Variants in CASKIN2 observed in about 807,000 individuals in gnomAD.
CASKIN2 encodes caskin-2.
In CASKIN2, 41 loss-of-function variants were observed where a neutral mutation model predicts 107.1. That is an observed-to-expected ratio of 0.38 (90% CI 0.30 to 0.50). CASKIN2 has a LOEUF of 0.50. Ranked by LOEUF, CASKIN2 falls within the 20% of genes least tolerant of loss-of-function variation. The probability of loss-of-function intolerance (pLI) is 0.92; values close to 1 mark genes in which losing one functional copy is unlikely to be tolerated. For synonymous variants in CASKIN2, 724 were observed against 705.6 expected (o/e 1.03, Z -0.41); for missense variants, 1,546 against 1,657.4 (o/e 0.93, Z 1.17).
Position 75,506,618 on chromosome 17 carries a change from G to A in CASKIN2, c.582C>T (p.His194=), listed in dbSNP as rs370451558. 4 of 1,613,340 alleles carry A rather than the reference G, an allele frequency of 2.5e-6. No individual in the cohort carries two copies. The highest frequency in any genetic ancestry group is 1.3e-5 in the African/African-American group (1 of 74,912). Reference sequence around the variant, plus strand: ...CTCTGTGGCCATTCTTGGCAGCCAAGTGCAGGGGCGTGGTGTAGTTGGGGT... The same window carrying A: ...CTCTGTGGCCATTCTTGGCAGCCAAATGCAGGGGCGTGGTGTAGTTGGGGT... The part of the protein sequence containing the change: ...PCDPNYTTPL[H]LAAKNGHREV... The change falls in exon 7 of 20, where the codon CAC becomes CAT. Residue 194 remains histidine (H), a synonymous_variant. Coordinates refer to ENST00000321617, the MANE Select transcript of CASKIN2 (RefSeq NM_020753.5). This position sits in a 1 kb window ranked among gnomAD's most constrained non-coding sequence, Gnocchi z 4.8.
chr17:75,501,021 TCTG>T lies in CASKIN2; in HGVS notation c.*56_*58del. The T allele has an allele frequency of 6.7e-7, 1 of 1,503,416 alleles. No individual in the cohort carries two copies. Among genetic ancestry groups the T allele is most frequent in the Admixed American group, 2.0e-5 (1 of 50,944 alleles). The allele number at this position is 1,503,416 out of a possible 1,614,324, so 93.1% of individuals were successfully genotyped here. A position where few individuals can be genotyped will look rare whatever the true frequency, so the allele number is the denominator to read the frequency against. On this transcript the variant is annotated 3_prime_UTR_variant, in exon 20 of 20. Transcript: ENST00000321617. ...CGTCCCTAGGGTGGCAGGGGCCTCT[TCTG>T]TGCTGGGGCAAAGGCAGTGGACTTC...
chr17:75,505,984 G>A lies in CASKIN2; in HGVS notation c.727-55C>T, dbSNP rs1463327016. ...CTAAGCACTTTGACACCCCTCACCCGATTCTCTCAGCTACCCGGGACATAG... is the reference window on the plus strand; with the variant it reads ...CTAAGCACTTTGACACCCCTCACCCAATTCTCTCAGCTACCCGGGACATAG... On this transcript the variant is annotated intron_variant, in intron 8 of 19. Transcript: ENST00000321617. The surrounding 1 kb of genome is among the most constrained non-coding windows in gnomAD (Gnocchi z 5.1). 125 of 1,464,440 alleles carry A rather than the reference G, an allele frequency of 8.5e-5. 2 individuals carry two copies. Among genetic ancestry groups the A allele is most frequent in the South Asian group, 7.8e-4 (67 of 86,194 alleles). The allele number at this position is 1,464,440 out of a possible 1,614,324, so 90.7% of individuals were successfully genotyped here.
chr17:75,502,452 C>T lies in CASKIN2; in HGVS notation c.2622G>A (p.Lys874=), dbSNP rs565424439. 2 of 1,299,092 alleles carry T rather than the reference C, an allele frequency of 1.5e-6. No individual in the cohort carries two copies. Among genetic ancestry groups the T allele is most frequent in the Non-Finnish European group, 2.0e-6 (2 of 1,015,318 alleles). 80.5% of individuals were successfully genotyped at this position (1,299,092 alleles called of 1,614,324 possible). A position where few individuals can be genotyped will look rare whatever the true frequency, so the allele number is the denominator to read the frequency against. ...RRKGPPPPPP[K]RLSSVSGPSP... ...TGGGGCCAGAGACGGAGCTGAGGCG[C>T]TTGGGGGGCGGGGGCGGGGGGCCTT... Residue 874 remains lysine (K), a synonymous_variant, in exon 18 of 20, where the codon AAG becomes AAA. Coordinates refer to ENST00000321617, the MANE Select transcript of CASKIN2 (RefSeq NM_020753.5). The surrounding 1 kb of genome is among the most constrained non-coding windows in gnomAD (Gnocchi z 4.3).
Position 75,504,229 on chromosome 17 carries a change from GC to G in CASKIN2, c.1452del (p.Gln484HisfsTer15). On this transcript the variant is annotated frameshift_variant, in exon 14 of 20. Coordinates refer to ENST00000321617, the MANE Select transcript of CASKIN2 (RefSeq NM_020753.5). LOFTEE classifies it high-confidence loss of function. The part of the protein sequence containing the change: ...QIFTQDVRPE[Q>X]LLEGKDAQAI... The stretch of plus-strand genomic sequence containing the variant: ...GGAGGTCACACCTTCCCCTCCAGCA[GC>G]TGTTCTGGCCGCACGTCCTGGGTGA... The G allele has an allele frequency of 6.8e-7, 1 of 1,467,290 alleles. No homozygotes were observed. The allele number at this position is 1,467,290 out of a possible 1,614,324, so 90.9% of individuals were successfully genotyped here.
chr17:75,507,978 G>A (rs1244697317), intron 3 of CASKIN2: 1 of 587,560 alleles, frequency 1.7e-6, no homozygotes, highest in East Asian at 2.8e-5. Flanking sequence ...GGGCCCCAAA[G>A]GAATCTGACC....
chr17:75,501,715 G>A, intron 18 of CASKIN2, 25 bp from the exon 19 acceptor site: 2 of 1,538,184 alleles, frequency 1.3e-6, no homozygotes, highest in African/African-American at 1.4e-5. Flanking sequence ...AGGTTGGCTT[G>A]GGACTTGGCT....
chr17:75,509,489 G>T lies in CASKIN2; in HGVS notation c.95-1204C>A, dbSNP rs537377907. ...GGAGGGAGGGGACAGCTACATTGAG[G>T]GCCAAACTGAAGGACACTGTGCCAC... On this transcript the variant is annotated intron_variant, in intron 2 of 19. Coordinates refer to ENST00000321617, the MANE Select transcript of CASKIN2 (RefSeq NM_020753.5). 4.9e-4 allele frequency: 410 copies of T among 837,442 alleles called. 1 individual carries two copies. In the African/African-American group the frequency reaches 7.1e-3, roughly 14 times the overall value. The allele number at this position is 837,442 out of a possible 1,614,324, so 51.9% of individuals were successfully genotyped here. A position where few individuals can be genotyped will look rare whatever the true frequency, so the allele number is the denominator to read the frequency against.
rs750768586 is a variant in CASKIN2, at chr17:75,502,798, G to A, written c.2276C>T (p.Pro759Leu). The A allele has an allele frequency of 1.9e-6, 3 of 1,584,990 alleles. No homozygotes were observed. The highest frequency in any genetic ancestry group is 2.6e-6 in the Non-Finnish European group (3 of 1,165,588). ...QGPPPYVFMY[P>L]QGSPSSPAPG... ...GGCCGGGCTAGAGGGTGAGCCCTGG[G>A]GGTACATAAAAACATAGGGTGGGGG... Residue 759 changes from proline (P) to leucine (L), a missense_variant, in exon 18 of 20, where the codon CCC (proline) becomes CTC (leucine). Physicochemically the swap from Pro to Leu is moderately conservative, Grantham distance 98 (BLOSUM62 -3). Coordinates refer to ENST00000321617, the MANE Select transcript of CASKIN2 (RefSeq NM_020753.5). The surrounding 1 kb of genome is among the most constrained non-coding windows in gnomAD (Gnocchi z 4.3).
At chr17:75,507,412 A>G (rs779741718) in intron 4 of CASKIN2, among the ~76,000 whole-genome samples, 172 bp downstream of exon 4, 28 of 152,274 alleles carry the variant, frequency 1.8e-4, no homozygotes, top group Non-Finnish European at 3.2e-4. Context: ...CCACTCGCCT[A>G]TGCAAGAAGG....
Position 75,504,591 on chromosome 17 carries a change from A to C in CASKIN2, c.1295T>G (p.Leu432Arg), listed in dbSNP as rs145322514. The C allele has an allele frequency of 2.1e-3, 3,378 of 1,601,794 alleles. 9 individuals carry two copies. Among genetic ancestry groups the C allele is most frequent in the Non-Finnish European group, 2.6e-3 (3,045 of 1,171,424 alleles). Residue 432 changes from leucine to arginine, a missense_variant, in exon 12 of 20, where the codon CTC (leucine) becomes CGC (arginine). Transcript: ENST00000321617. ...SEGTNGHGPGLLIENAQPLPS... is the reference protein window; with the variant it reads ...SEGTNGHGPGRLIENAQPLPS... Reference sequence around the variant, plus strand: ...TCCTACCTGGGCGTTCTCAATCAGGAGGCCAGGGCCATGGCCATTAGTGCC... The same window carrying C: ...TCCTACCTGGGCGTTCTCAATCAGGCGGCCAGGGCCATGGCCATTAGTGCC...
rs111983739 is a variant in CASKIN2, at chr17:75,502,570, C to T, written c.2504G>A (p.Arg835His). Residue 835 changes from arginine to histidine, a missense_variant, in exon 18 of 20, where the codon CGC becomes CAC. Arg to His is a conservative substitution (Grantham distance 29). Transcript: ENST00000321617. The surrounding 1 kb of genome is among the most constrained non-coding windows in gnomAD (Gnocchi z 4.3). ...AGGACTGGTCCGGACAAGGGCACTGCGTCCTGGCCGCCGGGTAAGGGTAGC... is the reference window on the plus strand; with the variant it reads ...AGGACTGGTCCGGACAAGGGCACTGTGTCCTGGCCGCCGGGTAAGGGTAGC... ...SYATLTRRPG[R>H]SALVRTSPSV... is the part of the protein sequence containing the mutation. The T allele has an allele frequency of 2.2e-3, 3,429 of 1,580,726 alleles. 3 individuals carry two copies. Among genetic ancestry groups the T allele is most frequent in the Non-Finnish European group, 2.7e-3 (3,136 of 1,161,426 alleles).
rs1598466061 is a variant in CASKIN2, at chr17:75,505,288, C to T, written c.931-215G>A. 1.6e-6 allele frequency: 1 copy of T among 642,704 alleles called. No homozygotes were observed. The highest frequency in any genetic ancestry group is 2.7e-6 in the Non-Finnish European group (1 of 373,398). 39.8% of individuals were successfully genotyped at this position (642,704 alleles called of 1,614,324 possible). A position where few individuals can be genotyped will look rare whatever the true frequency, so the allele number is the denominator to read the frequency against. ...CCTCCAGGGCGAGCCCCAGTGGCAG[C>T]CCGTGGTCAAATCACAGCTCCACTA... On this transcript the variant is annotated intron_variant, in intron 10 of 19. Coordinates refer to ENST00000321617, the MANE Select transcript of CASKIN2 (RefSeq NM_020753.5). The surrounding 1 kb of genome is among the most constrained non-coding windows in gnomAD (Gnocchi z 5.1).
At chr17:75,513,430 C>T (rs1216774088) in intron 2 of CASKIN2, among the ~76,000 whole-genome samples, 1 of 152,104 alleles carries the variant, frequency 6.6e-6, no homozygotes, top group Non-Finnish European at 1.5e-5. Context: ...GGGTGACAAG[C>T]TATAGGCACT....
In CASKIN2 at chr17:75,502,073, GCT is replaced by G. The variant is rs753361454; in HGVS notation, c.2999_3000del (p.Glu1000AlafsTer35). 5 of 1,611,636 alleles carry G rather than the reference GCT, an allele frequency of 3.1e-6. No homozygotes were observed. Among genetic ancestry groups the G allele is most frequent in the Non-Finnish European group, 4.2e-6 (5 of 1,179,898 alleles). ...VKRRPKCREREPLQTALLAFG... is the reference protein window; with the variant it reads ...VKRRPKCRERXPLQTALLAFG... ...AAGGCCAGCAGTGCGGTCTGCAGTG[GCT>G]CTCTCTCCCGGCACTTGGGCCTCCG... On this transcript the variant is annotated frameshift_variant, in exon 18 of 20. Coordinates refer to ENST00000321617, the MANE Select transcript of CASKIN2 (RefSeq NM_020753.5). LOFTEE classifies it high-confidence loss of function. The surrounding 1 kb of genome is among the most constrained non-coding windows in gnomAD (Gnocchi z 4.3).
Position 75,505,265 on chromosome 17 carries a change from T to C in CASKIN2, c.931-192A>G. On this transcript the variant is annotated intron_variant, in intron 10 of 19. Coordinates refer to ENST00000321617, the MANE Select transcript of CASKIN2 (RefSeq NM_020753.5). This position sits in a 1 kb window ranked among gnomAD's most constrained non-coding sequence, Gnocchi z 5.1. ...CAGCCAGCTCAATCTCCCCTGTGCC[T>C]CCAGGGCGAGCCCCAGTGGCAGCCC... 1 of 687,974 alleles carries C rather than the reference T, an allele frequency of 1.5e-6. No homozygotes were observed. Among genetic ancestry groups the C allele is most frequent in the East Asian group, 2.7e-5 (1 of 37,050 alleles). 42.6% of individuals were successfully genotyped at this position (687,974 alleles called of 1,614,324 possible). A position where few individuals can be genotyped will look rare whatever the true frequency, so the allele number is the denominator to read the frequency against.
In CASKIN2 at chr17:75,501,590, C is replaced by T. The variant is rs142959947; in HGVS notation, c.3396G>A (p.Arg1132=). The change falls in exon 19 of 20, where the codon CGG becomes CGA. Residue 1132 remains arginine (R), a synonymous_variant. Transcript: ENST00000321617. ...RLGPRPVPPP[R]PESTGTVGPG... Reference sequence around the variant, plus strand: ...GGCCCACAGTCCCAGTGCTCTCAGGCCGTGGAGGAGGCACTGGGCGGGGGC... The same window carrying T: ...GGCCCACAGTCCCAGTGCTCTCAGGTCGTGGAGGAGGCACTGGGCGGGGGC... 1.0e-3 allele frequency: 1,637 copies of T among 1,608,390 alleles called. 31 individuals carry two copies. In the East Asian group the frequency reaches 0.03, roughly 30 times the overall value.
chr17:75,507,396 T>C (rs2053277213), intron 4 of CASKIN2, among the ~76,000 whole-genome samples, 188 bp downstream of exon 4: 1 of 152,116 alleles, frequency 6.6e-6, no homozygotes. Context: ...TAATGGGATG[T>C]TAGTACCACT....
In CASKIN2 at chr17:75,502,328, G is replaced by C; in HGVS notation, c.2746C>G (p.Pro916Ala). 1 of 1,481,054 alleles carries C rather than the reference G, an allele frequency of 6.8e-7. No homozygotes were observed. Among genetic ancestry groups the C allele is most frequent in the Non-Finnish European group, 8.9e-7 (1 of 1,119,330 alleles). The allele number at this position is 1,481,054 out of a possible 1,614,324, so 91.7% of individuals were successfully genotyped here. Residue 916 changes from proline to alanine, a missense_variant, in exon 18 of 20, where the codon CCC becomes GCC. Physicochemically the swap from Pro to Ala is conservative, Grantham distance 27. Transcript: ENST00000321617. The surrounding 1 kb of genome is among the most constrained non-coding windows in gnomAD (Gnocchi z 4.3). ...CCAGCCGGGGCAGGTGGGCCAGGGGGCTCTGAGGGGCCAGCAGGTTCACTC... is the reference window on the plus strand; with the variant it reads ...CCAGCCGGGGCAGGTGGGCCAGGGGCCTCTGAGGGGCCAGCAGGTTCACTC... ...TLSEPAGPSE[P>A]PGPPAPAGPA...
Position 75,505,800 on chromosome 17 carries a change from G to T in CASKIN2, c.835+21C>A, listed in dbSNP as rs759440134. ...GAGCGGCCCCAGGCCCCCTGGGCAG[G>T]GTATCCTCCCCCGCACTCACCCCGC... On this transcript the variant is annotated intron_variant, in intron 9 of 19. Transcript: ENST00000321617. The surrounding 1 kb of genome is among the most constrained non-coding windows in gnomAD (Gnocchi z 5.1). The T allele has an allele frequency of 8.1e-6, 13 of 1,609,514 alleles. No homozygotes were observed. The highest frequency in any genetic ancestry group is 1.1e-5 in the Non-Finnish European group (13 of 1,177,820).
Sources: gnomAD v4.1 joint callset for allele counts (sites outside exome capture counted in the v4.1 genomes callset) on GRCh38, gnomAD v4.1.1 for gene constraint, Gnocchi (gnomAD v3.1) non-coding constraint, MANE v1.5 for transcripts, NCBI Gene and HGNC (gene_info 2026-07-23, HGNC 2026-07-21) for gene names.